The following MRPS31 variants were observed in gnomAD, a reference collection of about 807,000 sequenced individuals.
MRPS31 encodes small ribosomal subunit protein mS31.
In MRPS31, 32 loss-of-function variants were observed where a neutral mutation model predicts 43.1. The observed-to-expected ratio is 0.74, with a 90% CI of 0.56 to 1.00. The LOEUF (loss-of-function observed/expected upper bound fraction) is 1.00. MRPS31 is among the 50% of genes least tolerant of loss of function. MRPS31 has a pLI of 0.00. For synonymous variants in MRPS31, 165 were observed against 161.6 expected (o/e 1.02, Z -0.16); for missense variants, 437 against 466.7 (o/e 0.94, Z 0.59).
chr13:40,763,064 T>C (rs1293036163), intron 2 of MRPS31, among the ~76,000 whole-genome samples: 1 of 152,204 alleles, frequency 6.6e-6, no homozygotes. Flanking sequence ...GAGTAATAGT[T>C]AGCTGATGCC....
intron 6 of MRPS31, among the ~76,000 whole-genome samples, chr13:40,732,131 A>C (rs530360879): frequency 6.6e-6 from 1 of 152,358 alleles, no homozygotes; most frequent in African/African-American, 2.4e-5. Context: ...CTGTAGCCTC[A>C]AGTCAAGCGG....
At chr13:40,732,123 G>A (rs1301974061) in intron 6 of MRPS31, among the ~76,000 whole-genome samples, 3 of 152,232 alleles carry the variant, frequency 2.0e-5, no homozygotes, top group African/African-American at 7.2e-5. Flanking sequence ...GCCAAGGCCT[G>A]TAGCCTCAAG....
rs1309884711 is a variant in MRPS31 at position 40,738,730 on chromosome 13, A to G, written c.959-9129T>C. 2.0e-5 allele frequency among the ~76,000 whole-genome samples: 3 copies of G among 151,314 alleles called. No homozygotes were observed. The East Asian group carries it at 5.9e-4, about 30-fold the overall frequency. On this transcript the variant is annotated intron_variant, in intron 6 of 6. Transcript: ENST00000323563. Reference sequence around the variant, plus strand: ...AGATGCAGAAAAGGCCTTTGACAAAATTCAACAACCTTCATGCTAAAAACT... The same window carrying G: ...AGATGCAGAAAAGGCCTTTGACAAAGTTCAACAACCTTCATGCTAAAAACT...
intron 6 of MRPS31, among the ~76,000 whole-genome samples, chr13:40,732,771 G>A (rs1480257901): frequency 1.3e-5 from 2 of 152,018 alleles, no homozygotes; most frequent in East Asian, 1.9e-4. Context: ...GTACATGGCT[G>A]TTGAGCAACA....
intron 2 of MRPS31, among the ~76,000 whole-genome samples, chr13:40,764,946 T>C (rs970324076): frequency 2.0e-5 from 3 of 152,194 alleles, no homozygotes; most frequent in African/African-American, 7.2e-5. Context: ...ACCATATCAA[T>C]GAAGGTTCAA....
At chr13:40,762,658 A>G (rs1880730919) in intron 2 of MRPS31, among the ~76,000 whole-genome samples, 1 of 150,156 alleles carries the variant, frequency 6.7e-6, no homozygotes, top group Non-Finnish European at 1.5e-5. Flanking sequence ...CTGGTCTTAA[A>G]CTCCTAGACT....
intron 3 of MRPS31, 63 bp from the exon 4 acceptor site, chr13:40,757,076 T>C: frequency 7.9e-7 from 1 of 1,264,584 alleles, no homozygotes. Flanking sequence ...ATAAACTTCC[T>C]TTAACAGGAG....
chr13:40,753,151 A>C (rs1880438994), intron 5 of MRPS31, among the ~76,000 whole-genome samples: 1 of 152,218 alleles, frequency 6.6e-6, no homozygotes, highest in Non-Finnish European at 1.5e-5. Context: ...GGACACTCTT[A>C]TTTCTCTTTT....
chr13:40,763,973 A>G (rs1880773209), intron 2 of MRPS31, among the ~76,000 whole-genome samples: 1 of 152,214 alleles, frequency 6.6e-6, no homozygotes, highest in African/African-American at 2.4e-5. Flanking sequence ...CCCTCAGACG[A>G]TTCCAGATCC....
chr13:40,765,322 A>G (rs1471823282), intron 2 of MRPS31, among the ~76,000 whole-genome samples: 1 of 152,236 alleles, frequency 6.6e-6, no homozygotes, highest in Non-Finnish European at 1.5e-5. Flanking sequence ...CTTCCCACAC[A>G]TGTATGTTTG....
chr13:40,754,889 C>A (rs141730703), intron 4 of MRPS31, among the ~76,000 whole-genome samples: 1 of 152,220 alleles, frequency 6.6e-6, no homozygotes, highest in African/African-American at 2.4e-5. Flanking sequence ...AAAAAATTAG[C>A]CAGGTGTGAT....
Position 40,766,668 on chromosome 13 carries a change from T to C in MRPS31, c.440+78A>G, listed in dbSNP as rs1880856285. 3 of 1,311,848 alleles carry C rather than the reference T, an allele frequency of 2.3e-6. No homozygotes were observed. In the East Asian group the frequency reaches 7.0e-5, roughly 31 times the overall value. 81.3% of individuals were successfully genotyped at this position (1,311,848 alleles called of 1,614,324 possible). ...CATTAATTCAACATTTCCCAAGTAC[T>C]TGTATTAAAAATATTTTTTACCAAA... On this transcript the variant is annotated intron_variant, in intron 2 of 6. Coordinates refer to ENST00000323563, the MANE Select transcript of MRPS31 (RefSeq NM_005830.4).
chr13:40,733,974 A>G (rs1431446132), intron 6 of MRPS31, among the ~76,000 whole-genome samples: 1 of 151,216 alleles, frequency 6.6e-6, no homozygotes, highest in African/African-American at 2.4e-5. Context: ...AAAAAAAAAA[A>G]AAAAAAAGGC....
chr13:40,769,461 A>G (rs1880948629), intron 1 of MRPS31, among the ~76,000 whole-genome samples: 1 of 143,662 alleles, frequency 7.0e-6, no homozygotes, highest in Non-Finnish European at 1.5e-5. Flanking sequence ...GCCGCAGGTT[A>G]AGGATACTTA....
At chr13:40,733,278 A>C (rs1450181168) in intron 6 of MRPS31, among the ~76,000 whole-genome samples, 1 of 152,128 alleles carries the variant, frequency 6.6e-6, no homozygotes, top group Non-Finnish European at 1.5e-5. Context: ...TGCTGGGATC[A>C]CAGGTGTGAG....
Position 40,729,280 on chromosome 13 carries a change from TAATC to T in MRPS31, c.*88_*91del, listed in dbSNP as rs1879590729. 1 of 661,368 alleles carries T rather than the reference TAATC, an allele frequency of 1.5e-6. No individual in the cohort carries two copies. Among genetic ancestry groups the T allele is most frequent in the Admixed American group, 3.1e-5 (1 of 31,812 alleles). 41.0% of individuals were successfully genotyped at this position (661,368 alleles called of 1,614,324 possible). A position where few individuals can be genotyped will look rare whatever the true frequency, so the allele number is the denominator to read the frequency against. ...TTTATACCAGCCAAATCAAATGTAA[TAATC>T]AACATAACATATACAAACTCTAGTA... On this transcript the variant is annotated 3_prime_UTR_variant, in exon 7 of 7. Coordinates refer to ENST00000323563, the MANE Select transcript of MRPS31 (RefSeq NM_005830.4).
intron 6 of MRPS31, among the ~76,000 whole-genome samples, chr13:40,746,060 C>T (rs1453649625): frequency 1.3e-5 from 2 of 152,084 alleles, no homozygotes; most frequent in African/African-American, 4.8e-5. Context: ...AAACAACAAA[C>T]CTTAATTTTT....
At chr13:40,730,877 T>G (rs1195557330) in intron 6 of MRPS31, 3 of 151,998 alleles carry the variant, frequency 2.0e-5, no homozygotes, top group African/African-American at 7.2e-5. Flanking sequence ...AATATTTTCA[T>G]AAATAACGGC....
At chr13:40,764,495 G>T (rs766686906) in intron 2 of MRPS31, among the ~76,000 whole-genome samples, 8 of 151,994 alleles carry the variant, frequency 5.3e-5, no homozygotes, top group Non-Finnish European at 1.2e-4. Flanking sequence ...TCTCAGGAGT[G>T]GTTGTGATAA....
Sources: allele counts gnomAD v4.1 joint callset (sites outside exome capture counted in the v4.1 genomes callset), GRCh38; gene constraint gnomAD v4.1.1; transcripts MANE v1.5; gene names NCBI Gene and HGNC (gene_info 2026-07-23, HGNC 2026-07-21).